RPS6KC1: variants seen among roughly 807,000 people sequenced by gnomAD.
The protein encoded by RPS6KC1 is ribosomal protein S6 kinase C1.
Under a neutral mutation model 103.8 loss-of-function variants are expected in RPS6KC1, and 54 were observed. The ratio of observed to expected loss-of-function variants is 0.52; its 90% CI spans 0.42 to 0.65. The LOEUF is 0.65. Ranked by LOEUF, RPS6KC1 falls within the 30% of genes least tolerant of loss-of-function variation. RPS6KC1 has a pLI of 0.00. For missense variants in RPS6KC1, 1,151 were observed against 1,253.8 expected, an observed-to-expected ratio of 0.92 and a Z score of 1.24; for synonymous variants, 439 against 438.7, an observed-to-expected ratio of 1.00 and a Z score of -0.01.
At chr1:213,730,142 A>G in the RPS6KC1 span, among the ~76,000 whole-genome samples, 2 of 152,204 alleles carry the variant, frequency 1.3e-5, no homozygotes, top group Non-Finnish European at 2.9e-5. Context: ...CATGGTGTAT[A>G]TGTACCACAT....
the RPS6KC1 span, among the ~76,000 whole-genome samples, chr1:213,602,636 T>C: frequency 1.3e-5 from 2 of 151,980 alleles, no homozygotes; most frequent in African/African-American, 4.8e-5. Context: ...TTTCTTAGAG[T>C]TGATGTTTCA....
chr1:213,476,835 G>A, the RPS6KC1 span, among the ~76,000 whole-genome samples: 1 of 152,174 alleles, frequency 6.6e-6, no homozygotes, highest in Non-Finnish European at 1.5e-5. Context: ...AACCATCAGA[G>A]GATTTACAGA....
the RPS6KC1 span, chr1:213,840,239 T>C: frequency 6.6e-6 from 1 of 152,166 alleles, no homozygotes; most frequent in African/African-American, 2.4e-5. Flanking sequence ...TACCTCCCAA[T>C]TTAATACAAG....
the RPS6KC1 span, among the ~76,000 whole-genome samples, chr1:213,855,877 C>T: frequency 6.6e-6 from 1 of 152,216 alleles, no homozygotes; most frequent in Non-Finnish European, 1.5e-5. Flanking sequence ...TTTCCACATC[C>T]ATTGCTACAG....
At chr1:213,567,388 C>T in the RPS6KC1 span, among the ~76,000 whole-genome samples, 10 of 152,142 alleles carry the variant, frequency 6.6e-5, no homozygotes, top group South Asian at 2.1e-4. Flanking sequence ...ACCTAACTCC[C>T]GACTCCATGT....
intron 8 of RPS6KC1, among the ~76,000 whole-genome samples, chr1:213,215,920 A>T (rs2093646191): frequency 1.3e-5 from 2 of 152,234 alleles, no homozygotes; most frequent in Admixed American, 6.5e-5. Flanking sequence ...GCCACTGCAA[A>T]AACATGCCAA....
the RPS6KC1 span, among the ~76,000 whole-genome samples, chr1:213,301,484 G>A: frequency 2.0e-5 from 3 of 152,294 alleles, no homozygotes; most frequent in Admixed American, 6.5e-5. Context: ...TGATAAACAA[G>A]GCAGAAAAGG....
the RPS6KC1 span, among the ~76,000 whole-genome samples, chr1:213,326,988 A>G: frequency 1.3e-5 from 2 of 149,234 alleles, no homozygotes; most frequent in Non-Finnish European, 3.0e-5. Flanking sequence ...TTCAGATCAT[A>G]TCCATTTAGT....
At chr1:213,424,367 C>T in the RPS6KC1 span, among the ~76,000 whole-genome samples, 2 of 152,162 alleles carry the variant, frequency 1.3e-5, no homozygotes, top group Non-Finnish European at 2.9e-5. Context: ...GGAACATCTA[C>T]ACACATGAAA....
chr1:213,237,953 C>A (rs1047971587), intron 10 of RPS6KC1, among the ~76,000 whole-genome samples: 1 of 151,654 alleles, frequency 6.6e-6, no homozygotes, highest in Admixed American at 6.6e-5. Context: ...ACTTATAGAT[C>A]CTTATAGATT....
At chr1:213,335,704 T>C in the RPS6KC1 span, among the ~76,000 whole-genome samples, 1 of 152,208 alleles carries the variant, frequency 6.6e-6, no homozygotes, top group Non-Finnish European at 1.5e-5. Flanking sequence ...ATAGGTTTTA[T>C]TCAAGGCAAC....
At chr1:213,526,918 A>C in the RPS6KC1 span, among the ~76,000 whole-genome samples, 3 of 152,206 alleles carry the variant, frequency 2.0e-5, no homozygotes, top group African/African-American at 7.2e-5. Flanking sequence ...AATTTAGACT[A>C]GCAATCCTTC....
chr1:213,353,923 G>C, the RPS6KC1 span, among the ~76,000 whole-genome samples: 2 of 152,210 alleles, frequency 1.3e-5, no homozygotes, highest in Non-Finnish European at 2.9e-5. Context: ...GGAACAGCCT[G>C]AGCAAAGGCA....
At chr1:213,154,545 A>G (rs1390419844) in intron 6 of RPS6KC1, among the ~76,000 whole-genome samples, 9 of 152,210 alleles carry the variant, frequency 5.9e-5, no homozygotes, top group Admixed American at 1.3e-4. Context: ...ACCCCAGACC[A>G]TAGGACTACT....
At chr1:213,369,274 C>T in the RPS6KC1 span, among the ~76,000 whole-genome samples, 1 of 152,178 alleles carries the variant, frequency 6.6e-6, no homozygotes. Context: ...TTGTTTGGAT[C>T]CTGACATTCT....
the RPS6KC1 span, among the ~76,000 whole-genome samples, chr1:213,795,073 G>A: frequency 6.6e-6 from 1 of 152,198 alleles, no homozygotes; most frequent in African/African-American, 2.4e-5. Flanking sequence ...GTGTTAAATT[G>A]ATTAGTTGGA....
chr1:213,264,625 G>A (rs2094874379), intron 14 of RPS6KC1, among the ~76,000 whole-genome samples: 1 of 152,120 alleles, frequency 6.6e-6, no homozygotes, highest in Admixed American at 6.5e-5. Flanking sequence ...TAGTAAATCA[G>A]CATTGTGTCA....
intron 8 of RPS6KC1, among the ~76,000 whole-genome samples, chr1:213,189,841 C>G (rs968716823): frequency 2.0e-5 from 3 of 152,154 alleles, no homozygotes; most frequent in African/African-American, 7.2e-5. Context: ...CTTCTACTCT[C>G]TGTCTCCATG....
At chr1:213,481,033 G>A in the RPS6KC1 span, among the ~76,000 whole-genome samples, 13 of 152,116 alleles carry the variant, frequency 8.5e-5, no homozygotes, top group African/African-American at 2.4e-4. Flanking sequence ...TGAATTTTAC[G>A]TTTGTTTTCT....
Sources: allele counts gnomAD v4.1 joint callset (sites outside exome capture counted in the v4.1 genomes callset), GRCh38; gene constraint gnomAD v4.1.1; transcripts MANE v1.5; gene names NCBI Gene and HGNC (gene_info 2026-07-23, HGNC 2026-07-21).